Variants in SH3PXD2A observed in about 807,000 individuals in gnomAD.
SH3PXD2A encodes SH3 and PX domains 2A.
In SH3PXD2A, 32 loss-of-function variants were observed where a neutral mutation model predicts 115.2. The observed-to-expected ratio is 0.28, with a 90% CI of 0.21 to 0.37. SH3PXD2A has a LOEUF of 0.37. Among genes scored for constraint, SH3PXD2A ranks in the 10% least tolerant of loss-of-function variants. SH3PXD2A has a pLI of 1.00. For missense variants in SH3PXD2A, 1,328 were observed against 1,498.7 expected, an observed-to-expected ratio of 0.89 and a Z score of 1.88; for synonymous variants, 610 against 629.1, an observed-to-expected ratio of 0.97 and a Z score of 0.45.
At chr10:103,826,724 C>T (rs1464440959) in intron 1 of SH3PXD2A, among the ~76,000 whole-genome samples, 1 of 152,218 alleles carries the variant, frequency 6.6e-6, no homozygotes, top group African/African-American at 2.4e-5. Context: ...TCTGTAACAT[C>T]CCTTCTCTCC....
intron 1 of SH3PXD2A, among the ~76,000 whole-genome samples, chr10:103,804,720 GGC>G (rs539322606): frequency 1.7e-3 from 263 of 152,200 alleles, no homozygotes; most frequent in Non-Finnish European, 3.0e-3. Context: ...CAGGAACAAA[GGC>G]GCCTTCTAAG....
intron 6 of SH3PXD2A, among the ~76,000 whole-genome samples, chr10:103,676,519 A>T (rs1592295797): frequency 1.3e-5 from 2 of 152,134 alleles, no homozygotes; most frequent in African/African-American, 2.4e-5. Context: ...AGGAGCACTG[A>T]GGCTGCCTAG....
chr10:103,703,115 A>G (rs1322400234), intron 5 of SH3PXD2A, among the ~76,000 whole-genome samples: 2 of 152,138 alleles, frequency 1.3e-5, no homozygotes, highest in Admixed American at 6.5e-5. Context: ...CAAGGAGCCC[A>G]CCCAAAGTCA....
chr10:103,728,745 G>A (rs2038274191), intron 4 of SH3PXD2A, among the ~76,000 whole-genome samples: 1 of 152,162 alleles, frequency 6.6e-6, no homozygotes, highest in Non-Finnish European at 1.5e-5. Flanking sequence ...GTAGGACTGT[G>A]TCATTTAATC....
intron 4 of SH3PXD2A, among the ~76,000 whole-genome samples, chr10:103,731,085 C>T (rs968507969): frequency 6.6e-6 from 1 of 151,320 alleles, no homozygotes; most frequent in Non-Finnish European, 1.5e-5. Flanking sequence ...CACTTGGAAC[C>T]AGCCCACACA....
chr10:103,747,713 G>A (rs570414200), intron 3 of SH3PXD2A, among the ~76,000 whole-genome samples: 2 of 152,298 alleles, frequency 1.3e-5, no homozygotes, highest in Admixed American at 6.5e-5. Flanking sequence ...TCGGTAAAGG[G>A]CCCAAAACCA....
chr10:103,695,088 T>G lies in SH3PXD2A; in HGVS notation c.399-2032A>C, dbSNP rs907455678. The stretch of plus-strand genomic sequence containing the variant: ...TTCAGGCCTTTTCACTGAGGGCTAC[T>G]GGGGAAGGGCAGGGAGTGAGGGCAC... On this transcript the variant is annotated intron_variant, in intron 5 of 14. Transcript: ENST00000369774. 5.3e-5 allele frequency among the ~76,000 whole-genome samples: 8 copies of G among 152,200 alleles called. No individual in the cohort carries two copies. In the South Asian group the frequency reaches 1.7e-3, roughly 32 times the overall value.
chr10:103,825,554 T>C (rs564179352), intron 1 of SH3PXD2A, among the ~76,000 whole-genome samples: 27 of 152,330 alleles, frequency 1.8e-4, no homozygotes, highest in African/African-American at 5.5e-4. Flanking sequence ...CTCTCTCTCC[T>C]TCCTCCCTGG....
chr10:103,830,383 G>A (rs1434150416), intron 1 of SH3PXD2A, among the ~76,000 whole-genome samples: 3 of 152,346 alleles, frequency 2.0e-5, no homozygotes, highest in Non-Finnish European at 2.9e-5. Flanking sequence ...AAGGTCTTCC[G>A]GGTATTACCA....
rs544924074 is a variant in SH3PXD2A, at chr10:103,844,532, A to C, written c.72+10663T>G. Among the ~76,000 whole-genome samples, 55 of 152,356 alleles carry C rather than the reference A, an allele frequency of 3.6e-4. No individual in the cohort carries two copies. The South Asian group carries it at 0.01, about 29-fold the overall frequency. On this transcript the variant is annotated intron_variant, in intron 1 of 14. Coordinates refer to ENST00000369774, the MANE Select transcript of SH3PXD2A (RefSeq NM_001394015.1). ...GGGACAATCCCTATATGCTCTGAAC[A>C]CTTAGATGGGCAAAAGCAACCAGGG...
intron 3 of SH3PXD2A, among the ~76,000 whole-genome samples, chr10:103,752,196 G>C (rs530430934): frequency 1.6e-4 from 25 of 152,340 alleles, no homozygotes; most frequent in African/African-American, 6.0e-4. Flanking sequence ...GTGGAACAGG[G>C]GAGTGGGAAG....
intron 1 of SH3PXD2A, among the ~76,000 whole-genome samples, chr10:103,840,664 C>G (rs778401015): frequency 6.6e-6 from 1 of 152,226 alleles, no homozygotes; most frequent in Non-Finnish European, 1.5e-5. Context: ...CCGGCTCTGC[C>G]CCTTCCTAGC....
chr10:103,660,247 C>G (rs2037273131), intron 8 of SH3PXD2A, among the ~76,000 whole-genome samples: 1 of 152,168 alleles, frequency 6.6e-6, no homozygotes, highest in African/African-American at 2.4e-5. Flanking sequence ...GCCGAACAAG[C>G]CTGGACTGAC....
chr10:103,766,492 G>A (rs1338753973), intron 3 of SH3PXD2A, among the ~76,000 whole-genome samples: 1 of 152,006 alleles, frequency 6.6e-6, no homozygotes, highest in Non-Finnish European at 1.5e-5. Context: ...TACACACCTC[G>A]GTATAGAGAT....
intron 1 of SH3PXD2A, among the ~76,000 whole-genome samples, chr10:103,832,597 T>G (rs2039493327): frequency 6.6e-6 from 1 of 152,178 alleles, no homozygotes. Flanking sequence ...GTTCATGTCC[T>G]TTGTAGGGAC....
chr10:103,701,156 C>T lies in SH3PXD2A; in HGVS notation c.399-8100G>A, dbSNP rs568474053. The stretch of plus-strand genomic sequence containing the variant: ...CATCATCCATCCACTATCCATCCAT[C>T]CATCCATCCATCCATCCATCCACCA... On this transcript the variant is annotated intron_variant, in intron 5 of 14. Coordinates refer to ENST00000369774, the MANE Select transcript of SH3PXD2A (RefSeq NM_001394015.1). 2.2e-3 allele frequency among the ~76,000 whole-genome samples: 318 copies of T among 143,724 alleles called. 23 individuals are homozygous for T. The highest frequency in any genetic ancestry group is 7.6e-3 in the African/African-American group (284 of 37,128). The allele number at this position is 143,724 out of a possible 152,430, so 94.3% of individuals were successfully genotyped here.
intron 3 of SH3PXD2A, among the ~76,000 whole-genome samples, chr10:103,743,256 T>C (rs953115010): frequency 6.6e-6 from 1 of 152,068 alleles, no homozygotes; most frequent in Non-Finnish European, 1.5e-5. Context: ...TTCTTCACCA[T>C]TAAAAACAAA....
At chr10:103,663,737 C>A (rs1224391045) in intron 7 of SH3PXD2A, among the ~76,000 whole-genome samples, 1 of 152,240 alleles carries the variant, frequency 6.6e-6, no homozygotes, top group Non-Finnish European at 1.5e-5. Flanking sequence ...ACGGCAATGG[C>A]CACAGAACTC....
intron 8 of SH3PXD2A, among the ~76,000 whole-genome samples, chr10:103,648,292 C>G (rs190233771): frequency 7.9e-5 from 12 of 152,320 alleles, no homozygotes; most frequent in South Asian, 4.1e-4. Context: ...TTTGAGATCC[C>G]TGCACCAAGC....
Sources: gnomAD v4.1 joint callset for allele counts (sites outside exome capture counted in the v4.1 genomes callset) on GRCh38, gnomAD v4.1.1 for gene constraint, MANE v1.5 for transcripts, NCBI Gene and HGNC (gene_info 2026-07-23, HGNC 2026-07-21) for gene names.